Variants in DLC1 observed in about 807,000 individuals in gnomAD.
DLC1 encodes the protein rho GTPase-activating protein 7.
Under a neutral mutation model 140.3 loss-of-function variants are expected in DLC1, and 54 were observed. The observed-to-expected ratio is 0.38, with a 90% CI of 0.31 to 0.48. The LOEUF (loss-of-function observed/expected upper bound fraction) is 0.48, where lower values mean the gene tolerates loss of function less well. Among genes scored for constraint, DLC1 ranks in the 20% least tolerant of loss-of-function variants. The pLI is 0.96. For missense variants in DLC1, 2,536 were observed against 1,907.0 expected, an observed-to-expected ratio of 1.33 and a Z score of -6.14; for synonymous variants, 986 against 728.1, an observed-to-expected ratio of 1.35 and a Z score of -5.70.
intron 5 of DLC1, among the ~76,000 whole-genome samples, chr8:13,291,995 T>C (rs1293801688): frequency 6.6e-6 from 1 of 152,120 alleles, no homozygotes; most frequent in Non-Finnish European, 1.5e-5. Context: ...TTTCTTTTTT[T>C]TTTTTTTCTA....
intron 1 of DLC1, among the ~76,000 whole-genome samples, chr8:13,596,817 A>T (rs1303778193): frequency 6.6e-6 from 1 of 152,056 alleles, no homozygotes; most frequent in Non-Finnish European, 1.5e-5. Flanking sequence ...CTTCTTAGCA[A>T]AAACACTTGT....
chr8:13,384,503 G>T (rs150178302), intron 4 of DLC1, among the ~76,000 whole-genome samples: 11 of 152,250 alleles, frequency 7.2e-5, no homozygotes, highest in African/African-American at 2.4e-4. Context: ...GTTAATATTT[G>T]CTTGGGAAAT....
At chr8:13,382,492 C>A (rs1836315771) in intron 4 of DLC1, among the ~76,000 whole-genome samples, 1 of 99,526 alleles carries the variant, frequency 1.0e-5, no homozygotes, top group Non-Finnish European at 1.8e-5. Flanking sequence ...TGGGCGACAG[C>A]GAGACTCCGT....
chr8:13,489,449 A>ACACACAC lies in DLC1; in HGVS notation c.1023+9599_1023+9600insGTGTGTG, dbSNP rs56002951. On this transcript the variant is annotated intron_variant, in intron 2 of 17. Coordinates refer to ENST00000276297, the MANE Select transcript of DLC1 (RefSeq NM_182643.3). Reference sequence around the variant, plus strand: ...CACACACACACACACACACACACACAAAATGTTGCTACTATTAAGAATAGC... The same window carrying ACACACAC: ...CACACACACACACACACACACACACACACACACAAATGTTGCTACTATTAAGAATAGC... Among the ~76,000 whole-genome samples, 40 of 149,980 alleles carry ACACACAC rather than the reference A, an allele frequency of 2.7e-4. No individual in the cohort carries two copies. In the South Asian group the frequency reaches 3.9e-3, roughly 14 times the overall value.
At chr8:13,528,135 C>T (rs77204607) in intron 1 of DLC1, among the ~76,000 whole-genome samples, 2,721 of 151,986 alleles carry the variant, frequency 0.018, 41 homozygotes, top group Non-Finnish European at 0.03. Flanking sequence ...AGGAATACAA[C>T]GATAACTGAA....
At chr8:13,363,344 A>G (rs1392648585) in intron 4 of DLC1, among the ~76,000 whole-genome samples, 2 of 150,464 alleles carry the variant, frequency 1.3e-5, no homozygotes, top group African/African-American at 4.9e-5. Context: ...TATGTCATTG[A>G]ATACGTGAAT....
chr8:13,579,798 A>C (rs1212923442), intron 1 of DLC1, among the ~76,000 whole-genome samples: 1 of 151,654 alleles, frequency 6.6e-6, no homozygotes, highest in Non-Finnish European at 1.5e-5. Flanking sequence ...CTGCTTTTAG[A>C]AGTGTGGCCC....
chr8:13,192,284 G>A (rs751493040), intron 5 of DLC1, among the ~76,000 whole-genome samples: 20 of 152,036 alleles, frequency 1.3e-4, no homozygotes, highest in Non-Finnish European at 2.5e-4. Context: ...GGAAGGAGCC[G>A]AGTTTGTGAA....
rs1340615529 is a variant in DLC1, at chr8:13,579,340, T to A, written c.-126+25197A>T. On this transcript the variant is annotated intron_variant, in intron 1 of 1. Transcript: ENST00000631382. ...TTATATATATATATATATATATATATATATATATATATATATATATATTTT... is the reference window on the plus strand; with the variant it reads ...TTATATATATATATATATATATATAAATATATATATATATATATATATTTT... 7.8e-5 allele frequency among the ~76,000 whole-genome samples: 4 copies of A among 51,458 alleles called. 1 individual carries two copies. The highest frequency in any genetic ancestry group is 4.3e-4 in the African/African-American group (4 of 9,238). 33.8% of individuals were successfully genotyped at this position (51,458 alleles called of 152,430 possible).
chr8:13,542,149 C>T (rs1455296059), intron 1 of DLC1, among the ~76,000 whole-genome samples: 2 of 152,014 alleles, frequency 1.3e-5, no homozygotes, highest in South Asian at 2.1e-4. Flanking sequence ...AATTCAAGAC[C>T]ACATTATTTT....
At chr8:13,121,699 C>T (rs1454042783) in intron 5 of DLC1, among the ~76,000 whole-genome samples, 1 of 148,758 alleles carries the variant, frequency 6.7e-6, no homozygotes, top group Admixed American at 6.7e-5. Context: ...CAGGTGTGTA[C>T]CACCATGCCT....
At chr8:13,418,597 A>G (rs1368954615) in intron 2 of DLC1, among the ~76,000 whole-genome samples, 1 of 152,190 alleles carries the variant, frequency 6.6e-6, no homozygotes, top group East Asian at 1.9e-4. Flanking sequence ...TACCAGTACC[A>G]TGCTGTTTTG....
At chr8:13,131,900 C>A (rs891692979) in intron 5 of DLC1, among the ~76,000 whole-genome samples, 1 of 152,196 alleles carries the variant, frequency 6.6e-6, no homozygotes, top group Non-Finnish European at 1.5e-5. Flanking sequence ...CTGAAGGACG[C>A]TCGCGGACGC....
At chr8:13,446,262 T>C (rs1585121566) in intron 2 of DLC1, among the ~76,000 whole-genome samples, 1 of 152,230 alleles carries the variant, frequency 6.6e-6, no homozygotes, top group Non-Finnish European at 1.5e-5. Context: ...TATGATATAA[T>C]GTCTTTTAGC....
At chr8:13,205,067 C>G (rs554142181) in intron 5 of DLC1, among the ~76,000 whole-genome samples, 61 of 151,946 alleles carry the variant, frequency 4.0e-4, no homozygotes, top group African/African-American at 1.4e-3. Flanking sequence ...TATTATAGAC[C>G]AGATGGCATT....
rs188478301 is a variant in DLC1, at chr8:13,392,793, C to T, written c.1314+760G>A. Among the ~76,000 whole-genome samples the T allele has an allele frequency of 1.5e-4, 22 of 151,560 alleles. 1 individual carries two copies. Among genetic ancestry groups the T allele is most frequent in the African/African-American group, 4.4e-4 (18 of 41,316 alleles). ...ACACATGAAGCATTTCAAACCAAAG[C>T]AGTTTCCTCCTTTCGTGGTGTATTA... On this transcript the variant is annotated intron_variant, in intron 4 of 17. Coordinates refer to ENST00000276297, the MANE Select transcript of DLC1 (RefSeq NM_182643.3).
intron 2 of DLC1, among the ~76,000 whole-genome samples, chr8:13,406,823 C>T (rs1353584283): frequency 1.3e-5 from 2 of 152,150 alleles, no homozygotes; most frequent in Non-Finnish European, 2.9e-5. Flanking sequence ...CTGTTTAGAA[C>T]ATGAACAGGC....
In DLC1 at chr8:13,174,200, C is replaced by A. The variant is rs549516580; in HGVS notation, c.1349-58543G>T. Among the ~76,000 whole-genome samples the A allele has an allele frequency of 3.9e-5, 6 of 152,282 alleles. No individual in the cohort carries two copies. The East Asian group carries it at 9.6e-4, about 24-fold the overall frequency. ...TTGCTGCAAAGGATGTGATTTCTTT[C>A]TTTCTTAAGGCTGCATACTGTTCCA... On this transcript the variant is annotated intron_variant, in intron 5 of 17. Coordinates refer to ENST00000276297, the MANE Select transcript of DLC1 (RefSeq NM_182643.3).
chr8:13,152,824 G>GAGAAAAAAAAAAA (rs1554451776), intron 5 of DLC1, among the ~76,000 whole-genome samples: 1 of 91,344 alleles, frequency 1.1e-5, no homozygotes, highest in African/African-American at 4.2e-5. Context: ...CTCTGGGGAA[G>GAGAAAAAAAAAAA]AAAAAAAAAA....
Sources: allele counts gnomAD v4.1 joint callset (sites outside exome capture counted in the v4.1 genomes callset), GRCh38; gene constraint gnomAD v4.1.1; transcripts MANE v1.5; gene names NCBI Gene and HGNC (gene_info 2026-07-23, HGNC 2026-07-21).